The following ADGB variants were observed in gnomAD, a reference collection of about 807,000 sequenced individuals.
ADGB encodes the protein androglobin.
ADGB carries 172 observed loss-of-function variants against 210.5 expected under a neutral mutation model. The observed-to-expected ratio is 0.82, with a 90% CI of 0.72 to 0.93. The LOEUF (loss-of-function observed/expected upper bound fraction) is 0.93. Ranked by LOEUF, ADGB falls within the 40% of genes least tolerant of loss-of-function variation. The pLI is 0.00. For missense variants in ADGB, 2,025 were observed against 1,964.8 expected (o/e 1.03, Z -0.58); for synonymous variants, 658 against 662.7 (o/e 0.99, Z 0.11).
At chr6:146,643,865 A>T (rs140368790) in intron 2 of ADGB, among the ~76,000 whole-genome samples, 1 of 151,946 alleles carries the variant, frequency 6.6e-6, no homozygotes, top group East Asian at 1.9e-4. Flanking sequence ...ATGAATCTCC[A>T]GAGAATTATA....
chr6:146,611,296 G>A (rs995866496), intron 1 of ADGB, among the ~76,000 whole-genome samples: 2 of 151,984 alleles, frequency 1.3e-5, no homozygotes, highest in Non-Finnish European at 2.9e-5. Context: ...CCATTCCATG[G>A]GTAACATAAC....
intron 1 of ADGB, among the ~76,000 whole-genome samples, chr6:146,621,908 A>G (rs897960947): frequency 3.3e-5 from 5 of 152,112 alleles, no homozygotes; most frequent in East Asian, 1.9e-4. Context: ...TGAATTATCT[A>G]GGAGTAGAAT....
At chr6:146,769,623 A>G (rs1777624824) in intron 29 of ADGB, among the ~76,000 whole-genome samples, 1 of 152,144 alleles carries the variant, frequency 6.6e-6, no homozygotes, top group Non-Finnish European at 1.5e-5. Flanking sequence ...TGTTGCTTTC[A>G]AAAAAGAGAA....
Position 146,815,195 on chromosome 6 carries a change from AAAAG to A in ADGB, c.4987_4990del (p.Lys1663GlufsTer33). The A allele has an allele frequency of 2.7e-6, 4 of 1,505,856 alleles. No individual in the cohort carries two copies. Among genetic ancestry groups the A allele is most frequent in the African/African-American group, 1.4e-5 (1 of 69,890 alleles). The allele number at this position is 1,505,856 out of a possible 1,614,324, so 93.3% of individuals were successfully genotyped here. On this transcript the variant is annotated frameshift_variant, in exon 36 of 36. Transcript: ENST00000397944. LOFTEE classifies it high-confidence loss of function. ...ACCCCAGCTCCTGACACACAGAAAA[AAAAG>A]AAAGGAAAGAAAAAGTAACCAGGGG...
In ADGB at chr6:146,733,739, C is replaced by T. The variant is rs185605073; in HGVS notation, c.2657-154C>T. 2.6e-4 allele frequency among the ~76,000 whole-genome samples: 39 copies of T among 152,216 alleles called. No homozygotes were observed. In the East Asian group the frequency reaches 6.0e-3, roughly 23 times the overall value. ...CTCCTGCAGAATATTTACATTCTAA[C>T]AAGAACCACCTAGAGCCGGCAATAT... On this transcript the variant is annotated intron_variant, in intron 21 of 35. Transcript: ENST00000397944.
chr6:146,772,740 G>C (rs927945306), intron 29 of ADGB, among the ~76,000 whole-genome samples: 6 of 150,896 alleles, frequency 4.0e-5, no homozygotes, highest in Non-Finnish European at 7.4e-5. Flanking sequence ...TTTGGTTTCA[G>C]TACTTATATG....
chr6:146,786,023 C>T (rs1295108413), intron 32 of ADGB, among the ~76,000 whole-genome samples: 2 of 151,320 alleles, frequency 1.3e-5, no homozygotes. Flanking sequence ...TAGAAAGTAG[C>T]AGTATAAAAC....
intron 3 of ADGB, among the ~76,000 whole-genome samples, chr6:146,647,718 C>T (rs933574075): frequency 6.6e-6 from 1 of 151,974 alleles, no homozygotes; most frequent in Non-Finnish European, 1.5e-5. Context: ...AATGAAAAAG[C>T]TGAAGGAGAA....
At chr6:146,813,522 A>C (rs1778333855) in intron 35 of ADGB, among the ~76,000 whole-genome samples, 1 of 152,158 alleles carries the variant, frequency 6.6e-6, no homozygotes, top group African/African-American at 2.4e-5. Flanking sequence ...TATAAATACT[A>C]TGCTTTCATT....
Position 146,644,840 on chromosome 6 carries a change from G to A in ADGB, c.305G>A (p.Arg102His), listed in dbSNP as rs1347119731. 1.3e-5 allele frequency: 20 copies of A among 1,487,236 alleles called. No homozygotes were observed. The highest frequency in any genetic ancestry group is 4.3e-5 in the South Asian group (3 of 69,470). The allele number at this position is 1,487,236 out of a possible 1,614,324, so 92.1% of individuals were successfully genotyped here. A position where few individuals can be genotyped will look rare whatever the true frequency, so the allele number is the denominator to read the frequency against. ...TCCTTGAAAATTTATTCCTGGAAAC[G>A]TCCACAAGATATTTTATTTAGTCAG... ...PPSLKIYSWK[R>H]PQDILFSQTP... Residue 102 changes from arginine (R) to histidine (H), a missense_variant, in exon 3 of 36, where the codon CGT becomes CAT. Coordinates refer to ENST00000397944, the MANE Select transcript of ADGB (RefSeq NM_024694.4).
rs1262958027 is a variant in ADGB, at chr6:146,685,787, CTTTA to C, written c.1274_1277del (p.Tyr425CysfsTer9). The stretch of plus-strand genomic sequence containing the variant: ...GGTCGTATATGCGACATTTACACCT[CTTTA>C]TTTGTTTGAAAACAAGATCTTTTCA... On this transcript the variant is annotated frameshift_variant, in exon 10 of 36. Transcript: ENST00000397944. LOFTEE classifies it high-confidence loss of function. The C allele has an allele frequency of 5.2e-6, 8 of 1,541,474 alleles. No homozygotes were observed. In the South Asian group the frequency reaches 7.3e-5, roughly 14 times the overall value.
intron 12 of ADGB, among the ~76,000 whole-genome samples, chr6:146,697,277 A>T (rs974546212): frequency 6.6e-6 from 1 of 152,172 alleles, no homozygotes; most frequent in South Asian, 2.1e-4. Context: ...ATATGAGTGC[A>T]GGGTATGATG....
At chr6:146,661,923 T>G (rs2114891205) in intron 5 of ADGB, among the ~76,000 whole-genome samples, 1 of 152,242 alleles carries the variant, frequency 6.6e-6, no homozygotes. Context: ...GTATTTAGTG[T>G]GCCATTAATT....
chr6:146,715,551 T>C (rs1776720419), intron 14 of ADGB, 136 bp downstream of exon 14: 2 of 500,518 alleles, frequency 4.0e-6, no homozygotes, highest in Non-Finnish European at 7.0e-6. Flanking sequence ...GAGTCTAGTC[T>C]GCTCTGGGCT....
At chr6:146,691,647 C>G (rs1278091992) in intron 11 of ADGB, among the ~76,000 whole-genome samples, 1 of 145,250 alleles carries the variant, frequency 6.9e-6, no homozygotes, top group Non-Finnish European at 1.5e-5. Flanking sequence ...AGCTGGAAGC[C>G]TATGTTTAAT....
intron 20 of ADGB, among the ~76,000 whole-genome samples, chr6:146,731,200 G>T (rs979336873): frequency 1.3e-5 from 2 of 152,124 alleles, no homozygotes; most frequent in African/African-American, 2.4e-5. Flanking sequence ...CTCACCTACA[G>T]CATGAGAGTA....
At chr6:146,655,645 CAT>C (rs1167996011) in intron 4 of ADGB, among the ~76,000 whole-genome samples, 1 of 152,048 alleles carries the variant, frequency 6.6e-6, no homozygotes, top group Admixed American at 6.6e-5. Context: ...ACCAGTTATA[CAT>C]ATTAGTATAA....
intron 5 of ADGB, among the ~76,000 whole-genome samples, chr6:146,659,586 C>G (rs113619156): frequency 6.6e-6 from 1 of 152,164 alleles, no homozygotes; most frequent in Non-Finnish European, 1.5e-5. Flanking sequence ...GATTTTCACA[C>G]CAGGTTATCA....
At chr6:146,784,507 T>C in intron 30 of ADGB, 111 bp from the exon 31 acceptor site, 1 of 877,378 alleles carries the variant, frequency 1.1e-6, no homozygotes, top group South Asian at 3.0e-5. Context: ...ATATATGTTT[T>C]CATTTATCTC....
Sources: gnomAD v4.1 joint callset for allele counts (sites outside exome capture counted in the v4.1 genomes callset) on GRCh38, gnomAD v4.1.1 for gene constraint, MANE v1.5 for transcripts, NCBI Gene and HGNC (gene_info 2026-07-23, HGNC 2026-07-21) for gene names.